Variants in CPSF1 observed in about 807,000 individuals in gnomAD.
CPSF1 encodes the protein cleavage and polyadenylation specific factor 1.
A neutral mutation model predicts 175.8 loss-of-function variants in CPSF1; 106 were observed. The observed-to-expected ratio is 0.60, with a 90% CI of 0.52 to 0.71. CPSF1 has a LOEUF of 0.71. Among genes scored for constraint, CPSF1 ranks in the 30% least tolerant of loss-of-function variants. The probability of loss-of-function intolerance (pLI) is 0.00; values close to 1 mark genes in which losing one functional copy is unlikely to be tolerated. For synonymous variants in CPSF1, 1,024 were observed against 858.3 expected (o/e 1.19, Z -3.37); for missense variants, 1,734 against 2,022.9 (o/e 0.86, Z 2.74).
At position 144,393,874 on chromosome 8, in the gene CPSF1, C is replaced by T. The variant is rs1820517650; in HGVS notation, c.4015+9G>A. ...CCCCACCCAGACACACCTGCTCCCC[C>T]ACACTCACCAAACCACGTGATGTGC... On this transcript the variant is annotated intron_variant, in intron 35 of 37. Transcript: ENST00000616140. 6.2e-7 allele frequency: 1 copy of T among 1,607,480 alleles called. No homozygotes were observed. Among genetic ancestry groups the T allele is most frequent in the Non-Finnish European group, 8.5e-7 (1 of 1,177,552 alleles).
Position 144,396,844 on chromosome 8 carries a change from T to C in CPSF1, c.2678A>G (p.Lys893Arg), listed in dbSNP as rs368378081. ...CAGCAGTCCAGCCACTGGCACCTTC[T>C]TAAAGCGGACTTTGAGATTGCCCTG... is the stretch of plus-strand genomic sequence containing the variant. ...LGQGNLKVRF[K>R]KVPHNINFRE... is the part of the protein sequence containing the mutation. Residue 893 changes from lysine to arginine, a missense_variant, in exon 24 of 38, where the codon AAG becomes AGG. Physicochemically the swap from Lys to Arg is conservative, Grantham distance 26. Around this residue, in one of 10 missense-constraint regions of CPSF1, gnomAD observed 585 missense variants for 584.7 expected, o/e 1.00. Coordinates refer to ENST00000616140, the MANE Select transcript of CPSF1 (RefSeq NM_013291.3). The C allele has an allele frequency of 4.3e-6, 7 of 1,614,062 alleles. No homozygotes were observed. Among genetic ancestry groups the C allele is most frequent in the Non-Finnish European group, 5.9e-6 (7 of 1,179,976 alleles).
chr8:144,401,637 C>G lies in CPSF1; in HGVS notation c.172+9G>C. 1 of 1,611,358 alleles carries G rather than the reference C, an allele frequency of 6.2e-7. No homozygotes were observed. The highest frequency in any genetic ancestry group is 1.1e-5 in the South Asian group (1 of 90,540). ...CCCGCACAGCCCCAGGCCGCCCCAC[C>G]ACACTCACCTGTGCTCCTGTCATTC... On this transcript the variant is annotated intron_variant, in intron 3 of 37. Transcript: ENST00000616140.
Position 144,400,099 on chromosome 8 carries a change from G to T in CPSF1, c.938-14C>A. Reference sequence around the variant, plus strand: ...CCTCCTGGGTGCCTGTGGGGTGGGTGGTCAGGCCGACTAGGCAGGCCCAAG... The same window carrying T: ...CCTCCTGGGTGCCTGTGGGGTGGGTTGTCAGGCCGACTAGGCAGGCCCAAG... On this transcript the variant is annotated splice_polypyrimidine_tract_variant and intron_variant, in intron 9 of 37. Coordinates refer to ENST00000616140, the MANE Select transcript of CPSF1 (RefSeq NM_013291.3). 6.2e-7 allele frequency: 1 copy of T among 1,603,248 alleles called. No homozygotes were observed. The highest frequency in any genetic ancestry group is 1.1e-5 in the South Asian group (1 of 90,560).
chr8:144,401,768 C>T, intron 2 of CPSF1, 95 bp from the exon 3 acceptor site: 1 of 1,321,428 alleles, frequency 7.6e-7, no homozygotes, highest in African/African-American at 1.5e-5. Flanking sequence ...TGGCCCCTGC[C>T]TCCTGGGAGC....
At position 144,393,236 on chromosome 8, in the gene CPSF1, CAA is replaced by C. The variant is rs1373474279; in HGVS notation, c.*80_*81del. The C allele has an allele frequency of 7.1e-7, 1 of 1,408,464 alleles. No homozygotes were observed. Among genetic ancestry groups the C allele is most frequent in the Non-Finnish European group, 9.5e-7 (1 of 1,056,164 alleles). The allele number at this position is 1,408,464 out of a possible 1,614,324, so 87.2% of individuals were successfully genotyped here. A position where few individuals can be genotyped will look rare whatever the true frequency, so the allele number is the denominator to read the frequency against. On this transcript the variant is annotated 3_prime_UTR_variant, in exon 38 of 38. Coordinates refer to ENST00000616140, the MANE Select transcript of CPSF1 (RefSeq NM_013291.3). The stretch of plus-strand genomic sequence containing the variant: ...GTAATGACCACACACTCCTCTCAAG[CAA>C]AAAATGTTTTTCCTTGTGTTTTGTA...
At position 144,400,497 on chromosome 8, in the gene CPSF1, G is replaced by A. The variant is rs189272144; in HGVS notation, c.687-4C>T. On this transcript the variant is annotated splice_region_variant and splice_polypyrimidine_tract_variant and intron_variant, in intron 7 of 37. Transcript: ENST00000616140. ...GTCCTGCCGCACGGCCACGCGCCTG[G>A]GGACGCCAGTGGGTCAGCCAAGGGC... is the stretch of plus-strand genomic sequence containing the variant. The A allele has an allele frequency of 6.3e-4, 1,022 of 1,612,400 alleles. 5 individuals are homozygous for A. In the African/African-American group the frequency reaches 0.01, roughly 16 times the overall value.
intron 2 of CPSF1, among the ~76,000 whole-genome samples, chr8:144,408,601 C>CTTCT (rs1821623904): frequency 6.6e-6 from 1 of 152,212 alleles, no homozygotes; most frequent in Non-Finnish European, 1.5e-5. Context: ...ACACAGTCTC[C>CTTCT]TTCCTTCACT....
chr8:144,395,691 G>A (rs1820682100), intron 26 of CPSF1, 140 bp from the exon 27 acceptor site: 7 of 694,698 alleles, frequency 1.0e-5, no homozygotes, highest in Admixed American at 2.5e-5. Context: ...GTGTCCTGGC[G>A]AGGTCCTGGA....
In CPSF1 at chr8:144,395,056, G is replaced by A. The variant is rs577402796; in HGVS notation, c.3273-33C>T. ...GGCCAGGGGCCTCAGGATGCTGCCT[G>A]GAGGCCTTGGGCAGACCCCACCCCC... On this transcript the variant is annotated intron_variant, in intron 29 of 37. Coordinates refer to ENST00000616140, the MANE Select transcript of CPSF1 (RefSeq NM_013291.3). 2.5e-6 allele frequency: 4 copies of A among 1,603,634 alleles called. No homozygotes were observed. In the Admixed American group the frequency reaches 6.7e-5, roughly 27 times the overall value.
chr8:144,394,686 C>G lies in CPSF1; in HGVS notation c.3525G>C (p.Leu1175=), dbSNP rs1164596892. 1 of 1,612,094 alleles carries G rather than the reference C, an allele frequency of 6.2e-7. No individual in the cohort carries two copies. Among genetic ancestry groups the G allele is most frequent in the Non-Finnish European group, 8.5e-7 (1 of 1,179,406 alleles). ...EKEQKGPVTA[L]CHCNGHLVSA... ...ACACCAGGTGGCCATTGCAGTGGCA[C>G]AGGGCGGTCACGGGCCCCTTCTGCT... is the stretch of plus-strand genomic sequence containing the variant. Residue 1175 remains leucine (L), a synonymous_variant, in exon 31 of 38, where the codon CTG becomes CTC. Transcript: ENST00000616140.
At position 144,408,959 on chromosome 8, in the gene CPSF1, G is replaced by T; in HGVS notation, c.144+56C>A. ...TTGGCTCTTCCATCTGCAACCGGGG[G>T]CGGTGAGAGCACCCACGTCGCGGAC... is the stretch of plus-strand genomic sequence containing the variant. On this transcript the variant is annotated intron_variant, in intron 2 of 37. Coordinates refer to ENST00000616140, the MANE Select transcript of CPSF1 (RefSeq NM_013291.3). 11 of 1,587,214 alleles carry T rather than the reference G, an allele frequency of 6.9e-6. No individual in the cohort carries two copies. In the South Asian group the frequency reaches 9.0e-5, roughly 13 times the overall value.
chr8:144,403,342 C>T (rs2116894475), intron 2 of CPSF1, among the ~76,000 whole-genome samples: 73 of 152,216 alleles, frequency 4.8e-4, no homozygotes, highest in African/African-American at 1.7e-3. Flanking sequence ...GATACACTCA[C>T]CTCGGCCTCT....
Position 144,399,877 on chromosome 8 carries a change from A to G in CPSF1, c.1032-9T>C. 2 of 1,525,016 alleles carry G rather than the reference A, an allele frequency of 1.3e-6. No homozygotes were observed. The highest frequency in any genetic ancestry group is 8.8e-7 in the Non-Finnish European group (1 of 1,137,904). 94.5% of individuals were successfully genotyped at this position (1,525,016 alleles called of 1,614,324 possible). On this transcript the variant is annotated splice_polypyrimidine_tract_variant and intron_variant, in intron 10 of 37. Coordinates refer to ENST00000616140, the MANE Select transcript of CPSF1 (RefSeq NM_013291.3). This position sits in a 1 kb window ranked among gnomAD's most constrained non-coding sequence, Gnocchi z 6.4. ...TGAGGGTCAGCACGTAGCTGGGGGC[A>G]GGGAGAATTCTGAGTCGGGGATGGG...
chr8:144,393,943 C>T lies in CPSF1; in HGVS notation c.3955G>A (p.Ala1319Thr), dbSNP rs375489571. The change falls in exon 35 of 38, where the codon GCC becomes ACC. Residue 1319 changes from alanine (A) to threonine (T), a missense_variant. Physicochemically the swap from Ala to Thr is moderately conservative, Grantham distance 58. Coordinates refer to ENST00000616140, the MANE Select transcript of CPSF1 (RefSeq NM_013291.3). Reference sequence around the variant, plus strand: ...GACTTTTTGCTGAGCCCTTCAGTGGCCCCCCGGCACGGGGTCCTCCAGAAC... The same window carrying T: ...GACTTTTTGCTGAGCCCTTCAGTGGTCCCCCGGCACGGGGTCCTCCAGAAC... Reference protein sequence around the residue: ...NTFWRTPCRGATEGLSKKSVV... With the variant: ...NTFWRTPCRGTTEGLSKKSVV... The T allele has an allele frequency of 9.1e-5, 147 of 1,613,192 alleles. No individual in the cohort carries two copies. Among genetic ancestry groups the T allele is most frequent in the Non-Finnish European group, 1.2e-4 (143 of 1,179,744 alleles).
chr8:144,396,093 G>A lies in CPSF1; in HGVS notation c.2979+255C>T, dbSNP rs1389819307. 9.2e-6 allele frequency: 5 copies of A among 546,352 alleles called. No individual in the cohort carries two copies. In the East Asian group the frequency reaches 1.5e-4, roughly 17 times the overall value. 33.8% of individuals were successfully genotyped at this position (546,352 alleles called of 1,614,324 possible). On this transcript the variant is annotated intron_variant, in intron 26 of 37. Transcript: ENST00000616140. ...GAAGTGTGGAGGCCAGGCCCTGCGA[G>A]GGCTTGCCCGGCGAGCCGGCAGAGC...
At chr8:144,407,216 C>A (rs1157234897) in intron 2 of CPSF1, among the ~76,000 whole-genome samples, 2 of 149,334 alleles carry the variant, frequency 1.3e-5, no homozygotes, top group Non-Finnish European at 3.0e-5. Flanking sequence ...ACGTGCCTGG[C>A]CTTTTTTTTT....
intron 9 of CPSF1, 31 bp downstream of exon 9, chr8:144,400,135 G>GGGGGGGGGCGCCCC: frequency 1.1e-6 from 1 of 896,012 alleles, no homozygotes; most frequent in Middle Eastern, 3.7e-4. Flanking sequence ...CCGTCCCCGG[G>GGGGGGGGGCGCCCC]CCCCCCCCGC....
intron 9 of CPSF1, 38 bp downstream of exon 9, chr8:144,400,128 T>TAC: frequency 1.1e-6 from 1 of 909,868 alleles, no homozygotes; most frequent in Non-Finnish European, 1.5e-6. Flanking sequence ...GCCCAAGCCG[T>TAC]CCCCGGGCCC....
At position 144,399,726 on chromosome 8, in the gene CPSF1, T is replaced by C. The variant is rs2116865658; in HGVS notation, c.1120-16A>G. 1.9e-6 allele frequency: 3 copies of C among 1,606,180 alleles called. No homozygotes were observed. Among genetic ancestry groups the C allele is most frequent in the East Asian group, 4.5e-5 (2 of 44,612 alleles). Reference sequence around the variant, plus strand: ...TGGTGACCATCTGAGGGAGGGCAGGTGTGTGATGGCTGGGCCGGGTCTGGA... The same window carrying C: ...TGGTGACCATCTGAGGGAGGGCAGGCGTGTGATGGCTGGGCCGGGTCTGGA... On this transcript the variant is annotated splice_polypyrimidine_tract_variant and intron_variant, in intron 11 of 37. Coordinates refer to ENST00000616140, the MANE Select transcript of CPSF1 (RefSeq NM_013291.3). The surrounding 1 kb of genome is among the most constrained non-coding windows in gnomAD (Gnocchi z 6.4).
Sources: gnomAD v4.1 joint callset for allele counts (sites outside exome capture counted in the v4.1 genomes callset) on GRCh38, gnomAD v4.1.1 for gene constraint, gnomAD v4.1.1 regional missense constraint, Gnocchi (gnomAD v3.1) non-coding constraint, MANE v1.5 for transcripts, NCBI Gene and HGNC (gene_info 2026-07-23, HGNC 2026-07-21) for gene names.